The following PRELID2 variants were observed in gnomAD, a reference collection of about 807,000 sequenced individuals.
PRELID2 encodes PRELI domain containing 2, also known as PRELI domain-containing protein 2.
PRELID2 carries 25 observed loss-of-function variants against 28.4 expected under a neutral mutation model. The observed-to-expected ratio is 0.88, with a 90% CI of 0.64 to 1.23. PRELID2 has a LOEUF of 1.23. Among genes scored for constraint, PRELID2 ranks in the 50% most tolerant of loss-of-function variants. The probability of loss-of-function intolerance (pLI) is 0.00; values close to 1 mark genes in which losing one functional copy is unlikely to be tolerated. For synonymous variants in PRELID2, 76 were observed against 71.6 expected, an observed-to-expected ratio of 1.06 and a Z score of -0.31; for missense variants, 201 against 214.4, an observed-to-expected ratio of 0.94 and a Z score of 0.39.
At chr5:145,769,287 T>C (rs1052524821) in intron 5 of PRELID2, among the ~76,000 whole-genome samples, 67 of 152,206 alleles carry the variant, frequency 4.4e-4, no homozygotes, top group African/African-American at 1.4e-3. Context: ...TACAGATAAG[T>C]GAGCTATCTC....
intron 6 of PRELID2, among the ~76,000 whole-genome samples, chr5:145,763,860 G>C (rs1278354423): frequency 6.6e-6 from 1 of 152,134 alleles, no homozygotes; most frequent in Non-Finnish European, 1.5e-5. Flanking sequence ...GGTGGATCAC[G>C]AAGTCAGGAG....
chr5:145,313,611 T>C, the PRELID2 span, among the ~76,000 whole-genome samples: 1 of 152,202 alleles, frequency 6.6e-6, no homozygotes, highest in African/African-American at 2.4e-5. Context: ...GCAGACGGAC[T>C]GGAAGGTGTG....
chr5:145,521,564 C>CAT (rs59116081), intron 1 of PRELID2, among the ~76,000 whole-genome samples: 32,797 of 151,690 alleles, frequency 0.22, 4,038 homozygotes, highest in South Asian at 0.38. Flanking sequence ...CACACACACA[C>CAT]ATATATATAT....
downstream of PRELID2, among the ~76,000 whole-genome samples, chr5:145,753,453 T>C (rs954065121): frequency 6.6e-6 from 1 of 152,226 alleles, no homozygotes; most frequent in African/African-American, 2.4e-5. Context: ...TTTCTTCTAT[T>C]AGCATTTAAG....
At chr5:145,459,456 AT>A in the PRELID2 span, among the ~76,000 whole-genome samples, 8 of 152,292 alleles carry the variant, frequency 5.3e-5, no homozygotes, top group East Asian at 5.8e-4. Flanking sequence ...GTCAAAAAAA[AT>A]AAATGTGTTA....
chr5:145,492,519 A>G (rs572244186), intron 1 of PRELID2, among the ~76,000 whole-genome samples: 2 of 141,414 alleles, frequency 1.4e-5, no homozygotes, highest in African/African-American at 5.0e-5. Context: ...GCTTTTTAGT[A>G]TGATATAATC....
At chr5:145,781,348 C>T (rs561257958) in intron 5 of PRELID2, among the ~76,000 whole-genome samples, 122 of 152,094 alleles carry the variant, frequency 8.0e-4, no homozygotes, top group African/African-American at 2.6e-3. Flanking sequence ...GTAGCTCTAC[C>T]CAGAATTCTG....
intron 1 of PRELID2, among the ~76,000 whole-genome samples, chr5:145,543,618 C>A (rs1438862644): frequency 6.6e-6 from 1 of 152,062 alleles, no homozygotes; most frequent in Non-Finnish European, 1.5e-5. Context: ...TCTGAAAGAA[C>A]AGTAGCCAGT....
At chr5:145,635,986 G>T (rs114675834) in intron 1 of PRELID2, among the ~76,000 whole-genome samples, 2,643 of 152,288 alleles carry the variant, frequency 0.017, 87 homozygotes, top group African/African-American at 0.059. Context: ...CATGAGTGTG[G>T]ACTCTTTGCA....
the PRELID2 span, among the ~76,000 whole-genome samples, chr5:145,394,047 G>C: frequency 6.6e-6 from 1 of 152,106 alleles, no homozygotes; most frequent in Admixed American, 6.6e-5. Context: ...TCTAGAACTA[G>C]AAATACCATT....
chr5:145,253,367 A>G, the PRELID2 span, among the ~76,000 whole-genome samples: 4 of 152,246 alleles, frequency 2.6e-5, no homozygotes, highest in African/African-American at 9.6e-5. Flanking sequence ...CATAGTCCCC[A>G]TGTAAGGGTA....
At chr5:145,467,882 T>C (rs1458932400), downstream of PRELID2, among the ~76,000 whole-genome samples, 1 of 151,942 alleles carries the variant, frequency 6.6e-6, no homozygotes, top group Non-Finnish European at 1.5e-5. Flanking sequence ...AAAGTTAATT[T>C]ATTTACTTTG....
At chr5:145,325,248 A>G in the PRELID2 span, among the ~76,000 whole-genome samples, 1 of 152,242 alleles carries the variant, frequency 6.6e-6, no homozygotes, top group South Asian at 2.1e-4. Flanking sequence ...CTGAAAGCCC[A>G]AAGTATATTA....
chr5:145,771,368 A>G (rs1403146056), intron 5 of PRELID2, among the ~76,000 whole-genome samples: 1 of 152,006 alleles, frequency 6.6e-6, no homozygotes, highest in East Asian at 1.9e-4. Flanking sequence ...GTCTAATAAT[A>G]TATTTCTCAG....
chr5:145,498,667 T>G (rs1752328502), intron 1 of PRELID2, among the ~76,000 whole-genome samples: 1 of 152,164 alleles, frequency 6.6e-6, no homozygotes, highest in African/African-American at 2.4e-5. Context: ...TAGCTGGGAC[T>G]AGAGGCATGC....
the PRELID2 span, among the ~76,000 whole-genome samples, chr5:145,360,207 C>A: frequency 6.6e-6 from 1 of 152,118 alleles, no homozygotes; most frequent in Non-Finnish European, 1.5e-5. Context: ...GGGAGACTCA[C>A]CCCCAAGGGT....
At chr5:145,346,242 T>A in the PRELID2 span, among the ~76,000 whole-genome samples, 17 of 152,084 alleles carry the variant, frequency 1.1e-4, no homozygotes, top group African/African-American at 3.6e-4. Context: ...CCTCTAAAGA[T>A]AAAAACTCAG....
the PRELID2 span, among the ~76,000 whole-genome samples, chr5:145,235,064 T>G: frequency 2.4e-4 from 36 of 152,282 alleles, no homozygotes; most frequent in African/African-American, 7.9e-4. Context: ...AATATTATGA[T>G]GCAGGAAGTG....
chr5:145,605,509 C>T (rs1450829814), intron 1 of PRELID2, among the ~76,000 whole-genome samples: 4 of 151,682 alleles, frequency 2.6e-5, no homozygotes, highest in Non-Finnish European at 5.9e-5. Flanking sequence ...CTCTGGACTC[C>T]GTATTCTGTT....
Sources: allele counts gnomAD v4.1 joint callset (sites outside exome capture counted in the v4.1 genomes callset), GRCh38; gene constraint gnomAD v4.1.1; transcripts MANE v1.5; gene names NCBI Gene and HGNC (gene_info 2026-07-23, HGNC 2026-07-21).